PPP3R1: variants seen among roughly 807,000 people sequenced by gnomAD.
PPP3R1 encodes protein phosphatase 3 regulatory subunit B, alpha.
PPP3R1 carries 5 observed loss-of-function variants against 22.6 expected under a neutral mutation model. The ratio of observed to expected loss-of-function variants is 0.22; its 90% CI spans 0.12 to 0.46. The LOEUF (loss-of-function observed/expected upper bound fraction) is 0.46, where lower values mean the gene tolerates loss of function less well. PPP3R1 is among the 20% of genes least tolerant of loss of function. The pLI is 0.99. For missense variants in PPP3R1, 61 were observed against 203.2 expected, an observed-to-expected ratio of 0.30 and a Z score of 4.25; for synonymous variants, 56 against 65.2, an observed-to-expected ratio of 0.86 and a Z score of 0.68.
At chr2:68,210,098 TGAAACAGGG>T (rs1007964575) in intron 2 of PPP3R1, among the ~76,000 whole-genome samples, 24 of 152,270 alleles carry the variant, frequency 1.6e-4, no homozygotes, top group African/African-American at 5.8e-4. Flanking sequence ...CCCAGCCTCA[TGAAACAGGG>T]GCTGAAGAGG....
chr2:68,221,426 AG>A (rs1229808978), intron 1 of PPP3R1, among the ~76,000 whole-genome samples: 1 of 151,934 alleles, frequency 6.6e-6, no homozygotes, highest in East Asian at 1.9e-4. Flanking sequence ...TGAGCCTGAT[AG>A]GTCAAGGGTG....
intron 2 of PPP3R1, among the ~76,000 whole-genome samples, chr2:68,198,062 C>CAAAAAAAAAAAAAAAAAAAAAAAAAAAAA (rs199824687): frequency 2.4e-5 from 1 of 42,004 alleles, no homozygotes; most frequent in African/African-American, 1.1e-4. Context: ...GCACCTTTGG[C>CAAAAAAAAAAAAAAAAAAAAAAAAAAAAA]AAAAAAAAAA....
chr2:68,222,107 T>C (rs1016050383), intron 1 of PPP3R1, among the ~76,000 whole-genome samples: 1 of 152,202 alleles, frequency 6.6e-6, no homozygotes, highest in African/African-American at 2.4e-5. Flanking sequence ...TAAATGTCTT[T>C]AAAATATGAC....
At chr2:68,187,931 G>T (rs1244607238) in intron 3 of PPP3R1, among the ~76,000 whole-genome samples, 1 of 152,110 alleles carries the variant, frequency 6.6e-6, no homozygotes, top group Non-Finnish European at 1.5e-5. Flanking sequence ...ATTTTGGGAG[G>T]TTGAGGCACG....
chr2:68,217,930 G>A (rs1669609885), intron 1 of PPP3R1, among the ~76,000 whole-genome samples: 1 of 152,054 alleles, frequency 6.6e-6, no homozygotes, highest in Non-Finnish European at 1.5e-5. Context: ...TCAAATATCT[G>A]CTGGAAGATC....
intron 2 of PPP3R1, among the ~76,000 whole-genome samples, chr2:68,191,908 T>C (rs528827651): frequency 3.3e-5 from 5 of 152,268 alleles, no homozygotes; most frequent in African/African-American, 1.2e-4. Context: ...AGAGAAAAAA[T>C]ATAATGAAAG....
intron 1 of PPP3R1, among the ~76,000 whole-genome samples, chr2:68,220,156 T>C (rs1367032916): frequency 2.0e-5 from 3 of 152,150 alleles, no homozygotes; most frequent in Admixed American, 6.6e-5. Context: ...CTGGAGAAAG[T>C]TTCCAGGTTG....
rs1669745554 is a variant in PPP3R1 at position 68,224,481 on chromosome 2, T to C, written c.4-7350A>G. Among the ~76,000 whole-genome samples, 5 of 152,062 alleles carry C rather than the reference T, an allele frequency of 3.3e-5. No homozygotes were observed. In the South Asian group the frequency reaches 1.0e-3, roughly 32 times the overall value. On this transcript the variant is annotated intron_variant, in intron 1 of 5. Transcript: ENST00000234310. ...TTTGAAACCAGCCTGACCAACATGG[T>C]GAAACCCTGTCTCTACTGAAAATAC...
At chr2:68,182,311 G>GA (rs1674430797) in intron 5 of PPP3R1, among the ~76,000 whole-genome samples, 1 of 151,908 alleles carries the variant, frequency 6.6e-6, no homozygotes, top group Non-Finnish European at 1.5e-5. Flanking sequence ...CCTGCTGTGG[G>GA]AAAAAAAGCA....
At chr2:68,206,819 A>T (rs1046442422) in intron 2 of PPP3R1, among the ~76,000 whole-genome samples, 4 of 152,228 alleles carry the variant, frequency 2.6e-5, no homozygotes, top group African/African-American at 9.6e-5. Flanking sequence ...AGTATGTTAC[A>T]GCATATAATT....
chr2:68,232,204 AC>A (rs1669924191), intron 1 of PPP3R1, among the ~76,000 whole-genome samples: 1 of 53,502 alleles, frequency 1.9e-5, no homozygotes, highest in Non-Finnish European at 2.9e-5. Flanking sequence ...CATATTATAT[AC>A]ATATTGTATA....
chr2:68,232,160 CATAT>C (rs1172808789), intron 1 of PPP3R1, among the ~76,000 whole-genome samples: 9 of 61,710 alleles, frequency 1.5e-4, no homozygotes, highest in African/African-American at 3.9e-4. Context: ...TATATATATA[CATAT>C]ATAAATACAT....
At chr2:68,249,729 G>GA (rs1231027806) in intron 1 of PPP3R1, among the ~76,000 whole-genome samples, 3 of 149,952 alleles carry the variant, frequency 2.0e-5, no homozygotes, top group Admixed American at 6.6e-5. Context: ...TAACTTTCAG[G>GA]AAAAAAAAAA....
At chr2:68,211,280 G>T (rs189252732) in intron 2 of PPP3R1, among the ~76,000 whole-genome samples, 1 of 151,768 alleles carries the variant, frequency 6.6e-6, no homozygotes, top group Non-Finnish European at 1.5e-5. Flanking sequence ...GGTGGCGGGC[G>T]CCTGTAGTCC....
intron 5 of PPP3R1, among the ~76,000 whole-genome samples, chr2:68,186,055 T>TAAA (rs1258250579): frequency 3.3e-5 from 5 of 152,206 alleles, no homozygotes; most frequent in Non-Finnish European, 7.3e-5. Context: ...AAAACTTTGT[T>TAAA]ATCTTTGCCT....
intron 2 of PPP3R1, among the ~76,000 whole-genome samples, chr2:68,201,633 T>C (rs1291762464): frequency 3.3e-5 from 5 of 152,220 alleles, no homozygotes; most frequent in African/African-American, 1.2e-4. Context: ...TTTCATCCTC[T>C]TTCTTGAACT....
intron 2 of PPP3R1, among the ~76,000 whole-genome samples, chr2:68,202,215 T>C (rs1010982121): frequency 2.0e-5 from 3 of 152,204 alleles, no homozygotes; most frequent in East Asian, 1.9e-4. Context: ...GTTACGCAGA[T>C]AGCTAGACTT....
chr2:68,252,027 G>C (rs1572983844), intron 1 of PPP3R1, 98 bp downstream of exon 1: 3 of 1,221,348 alleles, frequency 2.5e-6, no homozygotes, highest in Non-Finnish European at 2.1e-6. Flanking sequence ...TTTTCCACGG[G>C]GGACAGCCGA....
chr2:68,182,393 G>A (rs962956284), intron 5 of PPP3R1, among the ~76,000 whole-genome samples: 1 of 152,030 alleles, frequency 6.6e-6, no homozygotes, highest in African/African-American at 2.4e-5. Flanking sequence ...CAGCTGACTT[G>A]CACTATTTAC....
Sources: gnomAD v4.1 joint callset for allele counts (sites outside exome capture counted in the v4.1 genomes callset) on GRCh38, gnomAD v4.1.1 for gene constraint, MANE v1.5 for transcripts, NCBI Gene and HGNC (gene_info 2026-07-23, HGNC 2026-07-21) for gene names.